Variants in SLMAP observed in about 807,000 individuals in gnomAD.
The protein encoded by SLMAP is sarcolemmal membrane-associated protein.
A neutral mutation model predicts 128.8 loss-of-function variants in SLMAP; 44 were observed. The ratio of observed to expected loss-of-function variants is 0.34; its 90% CI spans 0.27 to 0.44. The LOEUF is 0.44. SLMAP is among the 20% of genes least tolerant of loss of function. The pLI is 1.00. For missense variants in SLMAP, 787 were observed against 985.3 expected (o/e 0.80, Z 2.69); for synonymous variants, 327 against 348.8 (o/e 0.94, Z 0.70).
chr3:57,914,223 A>C (rs889228771), intron 21 of SLMAP, among the ~76,000 whole-genome samples: 9 of 152,034 alleles, frequency 5.9e-5, no homozygotes, highest in Non-Finnish European at 1.0e-4. Flanking sequence ...GGGTGTGGAC[A>C]TTATGAAACA....
At position 57,896,601 on chromosome 3, in the gene SLMAP, A is replaced by C; in HGVS notation, c.1441+10A>C. On this transcript the variant is annotated intron_variant, in intron 16 of 24. Transcript: ENST00000671191. Reference sequence around the variant, plus strand: ...AGTGACGACACTACAGGTGAGTTTTAACCTAATGTTTACAGACCTGCAGCT... The same window carrying C: ...AGTGACGACACTACAGGTGAGTTTTCACCTAATGTTTACAGACCTGCAGCT... 1.3e-6 allele frequency: 2 copies of C among 1,595,324 alleles called. No homozygotes were observed. Among genetic ancestry groups the C allele is most frequent in the Non-Finnish European group, 1.7e-6 (2 of 1,169,526 alleles).
chr3:57,836,491 C>T (rs1156663528), intron 3 of SLMAP, among the ~76,000 whole-genome samples: 1 of 152,100 alleles, frequency 6.6e-6, no homozygotes. Flanking sequence ...CAATCCAAAA[C>T]AATCTGTTTT....
intron 2 of SLMAP, among the ~76,000 whole-genome samples, chr3:57,809,582 G>T (rs2090558915): frequency 1.3e-5 from 2 of 152,186 alleles, no homozygotes; most frequent in Non-Finnish European, 2.9e-5. Context: ...GGGTGGAAGG[G>T]GTTGGGTCCC....
At chr3:57,784,127 A>G (rs951789437) in intron 2 of SLMAP, among the ~76,000 whole-genome samples, 1 of 152,168 alleles carries the variant, frequency 6.6e-6, no homozygotes, top group Non-Finnish European at 1.5e-5. Flanking sequence ...CAGAGCCACT[A>G]CTGAAAGTTC....
At chr3:57,769,584 A>G (rs2080415893) in intron 2 of SLMAP, among the ~76,000 whole-genome samples, 2 of 152,046 alleles carry the variant, frequency 1.3e-5, no homozygotes, top group African/African-American at 2.4e-5. Flanking sequence ...TCAGGCTCCC[A>G]AAGTGTTAGG....
chr3:57,869,406 G>A (rs2095414063), intron 13 of SLMAP, among the ~76,000 whole-genome samples: 1 of 150,880 alleles, frequency 6.6e-6, no homozygotes, highest in African/African-American at 2.4e-5. Flanking sequence ...TTAATACTTT[G>A]TATCCTTTAA....
chr3:57,872,638 C>T (rs894894800), intron 14 of SLMAP, among the ~76,000 whole-genome samples: 12 of 152,258 alleles, frequency 7.9e-5, no homozygotes, highest in African/African-American at 2.9e-4. Flanking sequence ...GACAAACAAA[C>T]AAAACGATAA....
intron 2 of SLMAP, among the ~76,000 whole-genome samples, chr3:57,804,427 G>T (rs1371791975): frequency 1.3e-5 from 2 of 152,190 alleles, no homozygotes; most frequent in Non-Finnish European, 2.9e-5. Context: ...GTTTTATCGT[G>T]CTTGACAATA....
At chr3:57,857,293 A>G (rs1039493982) in intron 6 of SLMAP, among the ~76,000 whole-genome samples, 1 of 152,184 alleles carries the variant, frequency 6.6e-6, no homozygotes, top group African/African-American at 2.4e-5. Context: ...TGCAGGGAAT[A>G]TGTTCCATGA....
intron 2 of SLMAP, among the ~76,000 whole-genome samples, chr3:57,762,048 C>A (rs1223745188): frequency 7.8e-6 from 1 of 128,566 alleles, no homozygotes; most frequent in Non-Finnish European, 1.6e-5. Context: ...AGCGAGACTC[C>A]GTCTCAAAAA....
intron 17 of SLMAP, among the ~76,000 whole-genome samples, chr3:57,906,312 T>TTTTTTTTTTTTTTTTTTTTTTTTTTC: frequency 8.7e-6 from 1 of 114,788 alleles, no homozygotes; most frequent in South Asian, 3.1e-4. Flanking sequence ...TTTTTTTTCT[T>TTTTTTTTTTTTTTTTTTTTTTTTTTC]TTTTTTTTTT....
At chr3:57,856,055 A>G in intron 6 of SLMAP, among the ~76,000 whole-genome samples, 1 of 151,876 alleles carries the variant, frequency 6.6e-6, no homozygotes, top group Non-Finnish European at 1.5e-5. Flanking sequence ...AAAAAGAAAA[A>G]AAAAAAAATT....
intron 17 of SLMAP, among the ~76,000 whole-genome samples, chr3:57,906,608 C>T (rs1468829040): frequency 1.4e-4 from 21 of 146,884 alleles, no homozygotes; most frequent in African/African-American, 2.0e-4. Context: ...TGAACCACCG[C>T]GCCTAGGCCA....
chr3:57,869,067 G>A (rs2095404528), intron 13 of SLMAP, among the ~76,000 whole-genome samples: 1 of 133,822 alleles, frequency 7.5e-6, no homozygotes, highest in African/African-American at 2.8e-5. Context: ...ATATATAAAG[G>A]GGAGTTTATT....
intron 6 of SLMAP, among the ~76,000 whole-genome samples, chr3:57,851,422 G>C (rs369451801): frequency 6.7e-6 from 1 of 149,834 alleles, no homozygotes; most frequent in East Asian, 1.9e-4. Context: ...GAGGGAGCAT[G>C]GTTAAAGAAA....
chr3:57,927,417 T>A lies in SLMAP; in HGVS notation c.*128T>A, dbSNP rs1194068222. ...CGTTCCTTGAGTCCGTACACCGTCC[T>A]CCCTCTAGAAGCTGGCATCACACTC... On this transcript the variant is annotated 3_prime_UTR_variant, in exon 25 of 25. Transcript: ENST00000671191. The A allele has an allele frequency of 3.6e-6, 5 of 1,401,838 alleles. No individual in the cohort carries two copies. In the African/African-American group the frequency reaches 7.0e-5, roughly 20 times the overall value. The allele number at this position is 1,401,838 out of a possible 1,614,324, so 86.8% of individuals were successfully genotyped here. A position where few individuals can be genotyped will look rare whatever the true frequency, so the allele number is the denominator to read the frequency against.
At chr3:57,806,673 C>G (rs1195439553) in intron 2 of SLMAP, among the ~76,000 whole-genome samples, 2 of 152,154 alleles carry the variant, frequency 1.3e-5, no homozygotes, top group African/African-American at 2.4e-5. Context: ...CTCCTGACCT[C>G]AAGTGATCCA....
At chr3:57,835,535 T>C (rs1054912740) in intron 3 of SLMAP, among the ~76,000 whole-genome samples, 5 of 152,170 alleles carry the variant, frequency 3.3e-5, no homozygotes, top group Admixed American at 1.3e-4. Context: ...TGAGTCAGTA[T>C]CAGGCAGTCT....
At chr3:57,924,834 A>G (rs772499674) in intron 23 of SLMAP, among the ~76,000 whole-genome samples, 12 of 152,144 alleles carry the variant, frequency 7.9e-5, no homozygotes, top group Admixed American at 2.6e-4. Flanking sequence ...TAAAATAACC[A>G]TTGCTGAGGG....
Sources: gnomAD v4.1 joint callset for allele counts (sites outside exome capture counted in the v4.1 genomes callset) on GRCh38, gnomAD v4.1.1 for gene constraint, MANE v1.5 for transcripts, NCBI Gene and HGNC (gene_info 2026-07-23, HGNC 2026-07-21) for gene names.